The following ARHGEF38 variants were observed in gnomAD, a reference collection of about 807,000 sequenced individuals.
ARHGEF38 encodes Rho guanine nucleotide exchange factor 38.
A neutral mutation model predicts 79.9 loss-of-function variants in ARHGEF38; 79 were observed. The observed-to-expected ratio is 0.99, with a 90% CI of 0.82 to 1.19. ARHGEF38 has a LOEUF of 1.19. ARHGEF38 is among the 50% of genes most tolerant of loss of function. ARHGEF38 has a pLI of 0.00. For missense variants in ARHGEF38, 962 were observed against 907.2 expected (o/e 1.06, Z -0.78); for synonymous variants, 366 against 328.3 (o/e 1.11, Z -1.24).
intron 1 of ARHGEF38, among the ~76,000 whole-genome samples, chr4:105,573,428 C>G (rs774528217): frequency 4.6e-5 from 7 of 152,236 alleles, no homozygotes; most frequent in African/African-American, 1.4e-4. Flanking sequence ...AAGGGTCTAA[C>G]TTCATTCTTT....
chr4:105,574,262 C>G (rs936719968), intron 1 of ARHGEF38, among the ~76,000 whole-genome samples: 16 of 151,994 alleles, frequency 1.1e-4, no homozygotes, highest in Non-Finnish European at 1.5e-4. Flanking sequence ...AAAGAAGTGG[C>G]AAAGACCGGG....
intron 4 of ARHGEF38, among the ~76,000 whole-genome samples, chr4:105,633,446 G>C (rs1277772377): frequency 2.6e-5 from 4 of 152,106 alleles, no homozygotes; most frequent in Non-Finnish European, 2.9e-5. Context: ...GGTTTTCCTG[G>C]CCAAGTAATC....
chr4:105,647,423 A>G (rs1165248394), intron 6 of ARHGEF38, among the ~76,000 whole-genome samples: 1 of 152,028 alleles, frequency 6.6e-6, no homozygotes, highest in Non-Finnish European at 1.5e-5. Context: ...TAATGTTTCC[A>G]TAGCATTTTA....
At chr4:105,619,202 T>C (rs1181744147) in intron 3 of ARHGEF38, among the ~76,000 whole-genome samples, 1 of 151,892 alleles carries the variant, frequency 6.6e-6, no homozygotes, top group East Asian at 1.9e-4. Flanking sequence ...GCCTTGCGAC[T>C]TGCTTTGATC....
chr4:105,681,622 G>A (rs1002211227), downstream of ARHGEF38, among the ~76,000 whole-genome samples: 1 of 152,068 alleles, frequency 6.6e-6, no homozygotes, highest in African/African-American at 2.4e-5. Context: ...AGACAACAAC[G>A]CAGACCTTCC....
intron 1 of ARHGEF38, among the ~76,000 whole-genome samples, chr4:105,559,252 G>C (rs1366575093): frequency 6.6e-6 from 1 of 152,120 alleles, no homozygotes; most frequent in Non-Finnish European, 1.5e-5. Context: ...CTTCTAGACT[G>C]TTTCTGAGAC....
intron 13 of ARHGEF38, among the ~76,000 whole-genome samples, 158 bp downstream of exon 13, chr4:105,667,861 A>C (rs1233803268): frequency 6.6e-6 from 1 of 152,240 alleles, no homozygotes; most frequent in Non-Finnish European, 1.5e-5. Flanking sequence ...TAAGGAGTTT[A>C]ATTCCCTGAG....
At chr4:105,578,189 C>A (rs534795857) in intron 1 of ARHGEF38, among the ~76,000 whole-genome samples, 2 of 152,280 alleles carry the variant, frequency 1.3e-5, no homozygotes, top group Admixed American at 1.3e-4. Context: ...ACCTCAAAAT[C>A]ATTCAGGAGC....
intron 2 of ARHGEF38, among the ~76,000 whole-genome samples, chr4:105,594,716 C>T (rs1237544586): frequency 6.6e-6 from 1 of 152,228 alleles, no homozygotes; most frequent in East Asian, 1.9e-4. Context: ...TGACTGACAA[C>T]TGTTCTGTGA....
At chr4:105,576,535 T>A (rs1726510708) in intron 1 of ARHGEF38, among the ~76,000 whole-genome samples, 2 of 152,128 alleles carry the variant, frequency 1.3e-5, no homozygotes, top group Non-Finnish European at 2.9e-5. Flanking sequence ...AACCTGAGAC[T>A]TTACTGAATT....
At chr4:105,648,920 G>T (rs548247939) in intron 7 of ARHGEF38, among the ~76,000 whole-genome samples, 1 of 151,468 alleles carries the variant, frequency 6.6e-6, no homozygotes, top group Non-Finnish European at 1.5e-5. Flanking sequence ...TCTTAGCTGT[G>T]GTGCTTCTAC....
rs182676019 is a variant in ARHGEF38 at position 105,573,777 on chromosome 4, G to C, written c.197-15471G>C. Among the ~76,000 whole-genome samples, 34 of 151,086 alleles carry C rather than the reference G, an allele frequency of 2.3e-4. 1 individual carries two copies. Among genetic ancestry groups the C allele is most frequent in the Non-Finnish European group, 1.2e-4 (8 of 67,806 alleles). ...TTCTACAAAAAAAAATTGGAATTTT[G>C]ATAAAGATTGCATAGAATCTGTAAA... On this transcript the variant is annotated intron_variant, in intron 1 of 13. Transcript: ENST00000420470.
chr4:105,587,396 GCATT>G (rs1426221912), intron 1 of ARHGEF38, among the ~76,000 whole-genome samples: 4 of 152,198 alleles, frequency 2.6e-5, no homozygotes. Flanking sequence ...GATATCTCAT[GCATT>G]CATTCTCTCT....
intron 7 of ARHGEF38, among the ~76,000 whole-genome samples, chr4:105,652,412 T>C (rs762810316): frequency 2.4e-4 from 36 of 152,108 alleles, no homozygotes; most frequent in Non-Finnish European, 4.0e-4. Flanking sequence ...TTAACCAGGG[T>C]TATGAGAGCA....
intron 1 of ARHGEF38, among the ~76,000 whole-genome samples, chr4:105,576,376 T>C (rs1467066425): frequency 1.3e-5 from 2 of 151,360 alleles, no homozygotes; most frequent in Admixed American, 1.3e-4. Context: ...CTTGGTTAAG[T>C]ATATTCTTAG....
At chr4:105,577,181 G>A (rs947399585) in intron 1 of ARHGEF38, among the ~76,000 whole-genome samples, 11 of 149,404 alleles carry the variant, frequency 7.4e-5, no homozygotes, top group Non-Finnish European at 1.2e-4. Context: ...TACATGTGCC[G>A]TGCTGGTGTG....
intron 3 of ARHGEF38, among the ~76,000 whole-genome samples, chr4:105,623,506 G>C (rs1168246179): frequency 6.6e-6 from 1 of 152,116 alleles, no homozygotes; most frequent in Non-Finnish European, 1.5e-5. Context: ...TTAAAAAAAA[G>C]TTATGTACCT....
At chr4:105,567,915 G>A (rs372376598) in intron 1 of ARHGEF38, among the ~76,000 whole-genome samples, 1 of 149,114 alleles carries the variant, frequency 6.7e-6, no homozygotes, top group Non-Finnish European at 1.5e-5. Flanking sequence ...ATATTTCCCA[G>A]TGCTATCCCT....
At chr4:105,562,658 T>A (rs1047313435) in intron 1 of ARHGEF38, among the ~76,000 whole-genome samples, 1 of 152,240 alleles carries the variant, frequency 6.6e-6, no homozygotes, top group African/African-American at 2.4e-5. Context: ...GACTAGGTCC[T>A]AAGAATGTTT....
Sources: allele counts gnomAD v4.1 joint callset (sites outside exome capture counted in the v4.1 genomes callset), GRCh38; gene constraint gnomAD v4.1.1; transcripts MANE v1.5; gene names NCBI Gene and HGNC (gene_info 2026-07-23, HGNC 2026-07-21).